Variants in RHBDD1 observed in about 807,000 individuals in gnomAD.
The protein encoded by RHBDD1 is rhomboid-related protein 4.
RHBDD1 carries 38 observed loss-of-function variants against 36.3 expected under a neutral mutation model. The observed-to-expected ratio is 1.05, with a 90% CI of 0.81 to 1.37. The LOEUF is 1.37. Among genes scored for constraint, RHBDD1 ranks in the 40% most tolerant of loss-of-function variants. The pLI, the probability that RHBDD1 is intolerant of heterozygous loss-of-function variation, is 0.00. For missense variants in RHBDD1, 393 were observed against 377.6 expected (o/e 1.04, Z -0.34); for synonymous variants, 151 against 136.5 (o/e 1.11, Z -0.74).
chr2:226,885,174 A>C (rs529780234), intron 5 of RHBDD1, among the ~76,000 whole-genome samples: 1 of 152,260 alleles, frequency 6.6e-6, no homozygotes, highest in South Asian at 2.1e-4. Context: ...AATTATTCTA[A>C]AATTGTTACT....
chr2:226,835,323 T>C (rs1387670364), upstream of RHBDD1, among the ~76,000 whole-genome samples: 1 of 152,238 alleles, frequency 6.6e-6, no homozygotes, highest in Non-Finnish European at 1.5e-5. Context: ...ACAATTAAAA[T>C]GGTATCAAAT....
intron 5 of RHBDD1, among the ~76,000 whole-genome samples, chr2:226,880,899 A>G (rs991908083): frequency 6.6e-6 from 1 of 152,162 alleles, no homozygotes; most frequent in Non-Finnish European, 1.5e-5. Flanking sequence ...CCGTGTAGAA[A>G]AGTTGCAGAT....
At chr2:226,817,637 G>T in the RHBDD1 span, among the ~76,000 whole-genome samples, 1 of 152,134 alleles carries the variant, frequency 6.6e-6, no homozygotes, top group East Asian at 1.9e-4. Flanking sequence ...TCCCAAATTC[G>T]CCCTGTTTAA....
intron 8 of RHBDD1, among the ~76,000 whole-genome samples, chr2:226,971,217 C>T (rs1389753917): frequency 6.6e-6 from 1 of 152,216 alleles, no homozygotes; most frequent in African/African-American, 2.4e-5. Context: ...CTGTTTCCCT[C>T]CTCACACCTG....
intron 8 of RHBDD1, among the ~76,000 whole-genome samples, chr2:226,924,842 C>T (rs1448844805): frequency 1.3e-5 from 2 of 152,242 alleles, no homozygotes; most frequent in African/African-American, 4.8e-5. Flanking sequence ...CCCAAGTACA[C>T]AGATTCTCTG....
At chr2:226,832,780 G>A (rs993087278), upstream of RHBDD1, among the ~76,000 whole-genome samples, 3 of 152,166 alleles carry the variant, frequency 2.0e-5, no homozygotes, top group Non-Finnish European at 4.4e-5. Flanking sequence ...GGCCGAGACA[G>A]GTGGATCACA....
At position 226,956,677 on chromosome 2, in the gene RHBDD1, A is replaced by G. The variant is rs77230560; in HGVS notation, c.857-38754A>G. Among the ~76,000 whole-genome samples, 341 of 152,304 alleles carry G rather than the reference A, an allele frequency of 2.2e-3. 1 individual carries two copies. Among genetic ancestry groups the G allele is most frequent in the Non-Finnish European group, 3.4e-3 (229 of 68,034 alleles). Reference sequence around the variant, plus strand: ...AGGTTTCCTCTTGCCCAGAAATGCTAACAGAAAGATCTGTCTCCCTAGTGC... The same window carrying G: ...AGGTTTCCTCTTGCCCAGAAATGCTGACAGAAAGATCTGTCTCCCTAGTGC... On this transcript the variant is annotated intron_variant, in intron 8 of 8. Coordinates refer to ENST00000392062, the MANE Select transcript of RHBDD1 (RefSeq NM_001167608.3).
chr2:226,849,137 A>G (rs572672356), intron 3 of RHBDD1, among the ~76,000 whole-genome samples: 2 of 152,342 alleles, frequency 1.3e-5, no homozygotes, highest in African/African-American at 4.8e-5. Flanking sequence ...AGATTTAGCT[A>G]TTATTATGAC....
chr2:226,877,726 G>A lies in RHBDD1; in HGVS notation c.566+10408G>A, dbSNP rs1945363389. ...CTTTGCTATACAGCTGAAGTGCTTT[G>A]TGTGTATTTCACATTTCATCACACG... On this transcript the variant is annotated intron_variant, in intron 5 of 8. Transcript: ENST00000392062. Among the ~76,000 whole-genome samples, 4 of 152,076 alleles carry A rather than the reference G, an allele frequency of 2.6e-5. No homozygotes were observed. In the South Asian group the frequency reaches 8.3e-4, roughly 32 times the overall value.
rs1346838270 is a variant in RHBDD1, at chr2:226,844,379, G to A, written c.-91+4752G>A. ...AGTATTGATGCTATGCAGGCAAAAA[G>A]CCCTAAGCTGTTCCCTATCACTTAA... On this transcript the variant is annotated intron_variant, in intron 3 of 8. Coordinates refer to ENST00000392062, the MANE Select transcript of RHBDD1 (RefSeq NM_001167608.3). Among the ~76,000 whole-genome samples the A allele has an allele frequency of 2.0e-5, 3 of 149,708 alleles. No individual in the cohort carries two copies. The East Asian group carries it at 5.9e-4, about 30-fold the overall frequency.
chr2:226,859,761 A>G lies in RHBDD1; in HGVS notation c.-90-4843A>G, dbSNP rs536941306. Among the ~76,000 whole-genome samples the G allele has an allele frequency of 4.6e-5, 7 of 152,330 alleles. No homozygotes were observed. The East Asian group carries it at 1.2e-3, about 25-fold the overall frequency. ...TAGTGGCGGGCAGGGAACTGGTGATATAAGCATACAGTTATGGGGAAGAGT... is the reference window on the plus strand; with the variant it reads ...TAGTGGCGGGCAGGGAACTGGTGATGTAAGCATACAGTTATGGGGAAGAGT... On this transcript the variant is annotated intron_variant, in intron 3 of 8. Coordinates refer to ENST00000392062, the MANE Select transcript of RHBDD1 (RefSeq NM_001167608.3).
intron 5 of RHBDD1, among the ~76,000 whole-genome samples, chr2:226,888,744 A>G (rs2125470167): frequency 1.3e-5 from 2 of 152,172 alleles, no homozygotes; most frequent in Middle Eastern, 6.8e-3. Context: ...CTAAAGGGAG[A>G]CACATTTTCT....
In RHBDD1 at chr2:226,867,310, C is replaced by G; in HGVS notation, c.558C>G (p.Phe186Leu). 6.2e-7 allele frequency: 1 copy of G among 1,613,228 alleles called. No individual in the cohort carries two copies. Among genetic ancestry groups the G allele is most frequent in the South Asian group, 1.1e-5 (1 of 90,736 alleles). Residue 186 changes from phenylalanine to leucine, a missense_variant, in exon 5 of 9, where the codon TTC (phenylalanine) becomes TTG (leucine). Phe to Leu is a conservative substitution (Grantham distance 22, BLOSUM62 0). Transcript: ENST00000392062. ...TCGAACTTGTGGCTATTCATTTATT[C>G]TCACCAGGGTAAGTGTTTTCTTTTG... ...CWVELVAIHL[F>L]SPGTSFAGHL...
intron 8 of RHBDD1, among the ~76,000 whole-genome samples, chr2:226,925,811 A>G (rs1575122395): frequency 1.3e-5 from 2 of 152,302 alleles, no homozygotes; most frequent in African/African-American, 4.8e-5. Context: ...TATGTAATTA[A>G]TTGGTTTCTT....
At chr2:226,906,576 G>A (rs1478871306) in intron 5 of RHBDD1, 28 of 1,046,588 alleles carry the variant, frequency 2.7e-5, no homozygotes, top group East Asian at 5.2e-5. Flanking sequence ...GGGGTGTTGC[G>A]TTTTAAACAT....
intron 8 of RHBDD1, among the ~76,000 whole-genome samples, chr2:226,919,080 C>T (rs897943373): frequency 2.6e-5 from 4 of 151,996 alleles, no homozygotes; most frequent in Non-Finnish European, 4.4e-5. Context: ...TATTGAGAAC[C>T]TTTTCATATG....
At chr2:226,859,915 G>T (rs1264486840) in intron 3 of RHBDD1, among the ~76,000 whole-genome samples, 2 of 152,192 alleles carry the variant, frequency 1.3e-5, no homozygotes, top group African/African-American at 4.8e-5. Flanking sequence ...GAGAAGCAGA[G>T]AATTCAGTTG....
At chr2:226,876,052 G>A (rs557059073) in intron 5 of RHBDD1, among the ~76,000 whole-genome samples, 1 of 152,260 alleles carries the variant, frequency 6.6e-6, no homozygotes, top group South Asian at 2.1e-4. Flanking sequence ...TGTTCTTCAT[G>A]GTGCATTTTA....
At chr2:226,814,723 T>C in the RHBDD1 span, among the ~76,000 whole-genome samples, 3 of 152,138 alleles carry the variant, frequency 2.0e-5, no homozygotes. Context: ...AAGTCAAAGA[T>C]AACTGGGATT....
Sources: gnomAD v4.1 joint callset for allele counts (sites outside exome capture counted in the v4.1 genomes callset) on GRCh38, gnomAD v4.1.1 for gene constraint, MANE v1.5 for transcripts, NCBI Gene and HGNC (gene_info 2026-07-23, HGNC 2026-07-21) for gene names.